The following GALNT14 variants were observed in gnomAD, a reference collection of about 807,000 sequenced individuals.
GALNT14 encodes polypeptide N-acetylgalactosaminyltransferase 14.
A neutral mutation model predicts 77.5 loss-of-function variants in GALNT14; 60 were observed. The ratio of observed to expected loss-of-function variants is 0.77; its 90% CI spans 0.63 to 0.96. The LOEUF is 0.96. GALNT14 is among the 40% of genes least tolerant of loss of function. The probability of loss-of-function intolerance (pLI) is 0.00; values close to 1 mark genes in which losing one functional copy is unlikely to be tolerated. For missense variants in GALNT14, 710 were observed against 731.0 expected (o/e 0.97, Z 0.33); for synonymous variants, 280 against 281.7 (o/e 0.99, Z 0.06).
In GALNT14 at chr2:31,106,646, G is replaced by C. The variant is rs551591623; in HGVS notation, c.129+31312C>G. Among the ~76,000 whole-genome samples the C allele has an allele frequency of 7.2e-5, 11 of 152,230 alleles. 1 individual carries two copies. The South Asian group carries it at 2.3e-3, about 32-fold the overall frequency. On this transcript the variant is annotated intron_variant, in intron 1 of 14. Coordinates refer to ENST00000349752, the MANE Select transcript of GALNT14 (RefSeq NM_024572.4). ...TGGGTCTTTCTTCACAGAAATGATT[G>C]CTTTGTTGAGTTCTTTAAATTCACT...
intron 1 of GALNT14, among the ~76,000 whole-genome samples, chr2:31,018,040 A>G (rs1671487170): frequency 6.6e-6 from 1 of 152,188 alleles, no homozygotes; most frequent in South Asian, 2.1e-4. Context: ...AGGGCCAGCC[A>G]CTCAGCACTT....
intron 1 of GALNT14, among the ~76,000 whole-genome samples, chr2:31,021,352 T>C (rs1671704811): frequency 6.6e-6 from 1 of 152,138 alleles, no homozygotes; most frequent in African/African-American, 2.4e-5. Flanking sequence ...TCACCCAGGC[T>C]GGAGTGCAGT....
intron 1 of GALNT14, among the ~76,000 whole-genome samples, chr2:31,019,329 G>A (rs563413338): frequency 1.3e-5 from 2 of 152,116 alleles, no homozygotes; most frequent in Admixed American, 6.5e-5. Flanking sequence ...AGTTTATTTT[G>A]AGTGGGTTTT....
At chr2:30,930,954 C>T (rs1354324143) in intron 10 of GALNT14, among the ~76,000 whole-genome samples, 1 of 152,242 alleles carries the variant, frequency 6.6e-6, no homozygotes, top group Non-Finnish European at 1.5e-5. Flanking sequence ...TCTGGAGCCC[C>T]AGGCTCTGCC....
chr2:30,989,583 A>ATATATATATATATATATAAAT (rs56703340), intron 2 of GALNT14, among the ~76,000 whole-genome samples: 74 of 91,822 alleles, frequency 8.1e-4, no homozygotes, highest in Non-Finnish European at 1.4e-3. Context: ...TATATATATA[A>ATATATATATATATATATAAAT]AAATATATAT....
chr2:31,137,727 C>G (rs1267183742), intron 1 of GALNT14, among the ~76,000 whole-genome samples: 1 of 152,164 alleles, frequency 6.6e-6, no homozygotes, highest in African/African-American at 2.4e-5. Context: ...CAGGCGAGCG[C>G]GCGCCCACCA....
At chr2:31,090,819 T>C (rs1676696121) in intron 1 of GALNT14, among the ~76,000 whole-genome samples, 1 of 152,074 alleles carries the variant, frequency 6.6e-6, no homozygotes, top group Admixed American at 6.5e-5. Context: ...TTTAAGGGAC[T>C]TTTTCCTCAT....
At chr2:30,989,583 A>ATATATATATATATATATATAAATATAT (rs56703340) in intron 2 of GALNT14, among the ~76,000 whole-genome samples, 1 of 91,878 alleles carries the variant, frequency 1.1e-5, no homozygotes, top group African/African-American at 4.3e-5. Flanking sequence ...TATATATATA[A>ATATATATATATATATATATAAATATAT]AAATATATAT....
At chr2:30,929,608 A>G (rs976364854) in intron 10 of GALNT14, 121 bp from the exon 11 acceptor site, 3 of 680,256 alleles carry the variant, frequency 4.4e-6, no homozygotes, top group African/African-American at 1.8e-5. Context: ...GGGGGCCACC[A>G]TGGTCAACCG....
Position 30,955,932 on chromosome 2 carries a change from A to G in GALNT14, c.512T>C (p.Leu171Ser), listed in dbSNP as rs1195828801. ...CCTACCTTGCCGTTCATTATTGCGC[A>G]AGCATTTCACCTTGGGCAACTTGAT... The part of the protein sequence containing the change: ...QLIKLPKVKC[L>S]RNNERQGLVR... Residue 171 changes from leucine to serine, a missense_variant, in exon 5 of 15, where the codon TTG becomes TCG. Leu to Ser is a moderately radical substitution (Grantham distance 145, BLOSUM62 -2). Coordinates refer to ENST00000349752, the MANE Select transcript of GALNT14 (RefSeq NM_024572.4). 6.2e-6 allele frequency: 10 copies of G among 1,614,000 alleles called. No homozygotes were observed. The highest frequency in any genetic ancestry group is 8.5e-6 in the Non-Finnish European group (10 of 1,180,046).
intron 11 of GALNT14, 59 bp downstream of exon 11, chr2:30,929,336 G>T: frequency 1.5e-6 from 2 of 1,368,794 alleles, no homozygotes; most frequent in Non-Finnish European, 2.1e-6. Context: ...ATTTGCATCG[G>T]TCCTAGGAGC....
At chr2:30,948,269 A>G (rs1666822061) in intron 6 of GALNT14, among the ~76,000 whole-genome samples, 1 of 152,226 alleles carries the variant, frequency 6.6e-6, no homozygotes, top group Non-Finnish European at 1.5e-5. Flanking sequence ...CTCTTATGCA[A>G]TAAAGGATTA....
At chr2:30,961,973 A>C (rs1558445575) in intron 3 of GALNT14, among the ~76,000 whole-genome samples, 1 of 152,088 alleles carries the variant, frequency 6.6e-6, no homozygotes, top group Non-Finnish European at 1.5e-5. Flanking sequence ...GATTACAGAC[A>C]TGAGCCCCTG....
intron 1 of GALNT14, among the ~76,000 whole-genome samples, chr2:31,023,468 C>T (rs1347268085): frequency 6.6e-6 from 1 of 151,972 alleles, no homozygotes; most frequent in East Asian, 1.9e-4. Flanking sequence ...TTTAAAATAC[C>T]CTCCCTCCCC....
At chr2:31,053,330 G>T (rs1218064387) in intron 1 of GALNT14, among the ~76,000 whole-genome samples, 1 of 152,106 alleles carries the variant, frequency 6.6e-6, no homozygotes, top group East Asian at 1.9e-4. Context: ...ACTAAAGACA[G>T]TTATAACGCC....
intron 1 of GALNT14, among the ~76,000 whole-genome samples, chr2:31,031,976 C>T (rs762550003): frequency 6.6e-6 from 1 of 152,210 alleles, no homozygotes; most frequent in Non-Finnish European, 1.5e-5. Context: ...CGGAACTTCT[C>T]GCGGCTGCCA....
At chr2:31,124,261 T>A (rs1484117298) in intron 1 of GALNT14, among the ~76,000 whole-genome samples, 1 of 152,198 alleles carries the variant, frequency 6.6e-6, no homozygotes, top group East Asian at 1.9e-4. Context: ...GGCTCTAGCA[T>A]CCTACGTCCG....
the GALNT14 span, among the ~76,000 whole-genome samples, chr2:30,904,020 CAG>C: frequency 6.6e-6 from 1 of 152,180 alleles, no homozygotes; most frequent in Non-Finnish European, 1.5e-5. Context: ...CCCTAGCAGC[CAG>C]AGAGATCATC....
chr2:31,043,579 T>C (rs1673236608), intron 1 of GALNT14, among the ~76,000 whole-genome samples: 6 of 152,114 alleles, frequency 3.9e-5, no homozygotes, highest in Admixed American at 3.9e-4. Context: ...GCAGGGGCCA[T>C]GGTCTGGCTG....
Sources: allele counts gnomAD v4.1 joint callset (sites outside exome capture counted in the v4.1 genomes callset), GRCh38; gene constraint gnomAD v4.1.1; transcripts MANE v1.5; gene names NCBI Gene and HGNC (gene_info 2026-07-23, HGNC 2026-07-21).